NDUFB2: variants seen among roughly 807,000 people sequenced by gnomAD.
The protein encoded by NDUFB2 is NADH dehydrogenase [ubiquinone] 1 beta subcomplex subunit 2, mitochondrial.
A neutral mutation model predicts 13.4 loss-of-function variants in NDUFB2; 13 were observed. The observed-to-expected ratio is 0.97, with a 90% CI of 0.63 to 1.54. NDUFB2 has a LOEUF of 1.54. Ranked by LOEUF, NDUFB2 falls within the 40% of genes most tolerant of loss-of-function variation. NDUFB2 has a pLI of 0.00. For synonymous variants in NDUFB2, 47 were observed against 50.6 expected (o/e 0.93, Z 0.30); for missense variants, 150 against 139.7 (o/e 1.07, Z -0.37).
intron 2 of NDUFB2, among the ~76,000 whole-genome samples, chr7:140,703,606 G>A (rs910052253): frequency 2.6e-5 from 4 of 151,476 alleles, no homozygotes; most frequent in Admixed American, 6.6e-5. Flanking sequence ...CTGAACTAGC[G>A]GTTCATTGGT....
chr7:140,702,603 T>C (rs1794911876), intron 1 of NDUFB2: 2 of 405,374 alleles, frequency 4.9e-6, no homozygotes, highest in Admixed American at 8.1e-5. Flanking sequence ...ATCAACACAT[T>C]CAAATTTCTA....
chr7:140,705,460 G>A (rs1053447655), intron 3 of NDUFB2: 1 of 151,784 alleles, frequency 6.6e-6, no homozygotes, highest in African/African-American at 2.4e-5. Context: ...CCTTTTCATT[G>A]TATGTTTTAT....
intron 1 of NDUFB2, chr7:140,697,354 AG>A (rs1327295282): frequency 1.4e-6 from 1 of 702,780 alleles, no homozygotes; most frequent in Non-Finnish European, 2.6e-6. Context: ...CTCTGGCTGC[AG>A]GGAGTGGAGG....
chr7:140,703,029 C>T lies in NDUFB2; in HGVS notation c.243+19C>T. On this transcript the variant is annotated intron_variant, in intron 2 of 3. Transcript: ENST00000247866. ...GGTGCTGGTAAGTGCAGGAGAAGAGCACTTGTCGTTTTTTGGGTGGGGGAG... is the reference window on the plus strand; with the variant it reads ...GGTGCTGGTAAGTGCAGGAGAAGAGTACTTGTCGTTTTTTGGGTGGGGGAG... 1.2e-6 allele frequency: 2 copies of T among 1,608,814 alleles called. No homozygotes were observed. The highest frequency in any genetic ancestry group is 8.5e-7 in the Non-Finnish European group (1 of 1,176,102).
At chr7:140,704,828 G>A (rs2130802777) in intron 2 of NDUFB2, 32 bp from the exon 3 acceptor site, 1 of 1,411,362 alleles carries the variant, frequency 7.1e-7, no homozygotes, top group Non-Finnish European at 9.7e-7. Flanking sequence ...GTAAATTCTT[G>A]ACTTTTCTTT....
intron 2 of NDUFB2, among the ~76,000 whole-genome samples, 190 bp downstream of exon 2, chr7:140,703,200 CGAG>C (rs1278185185): frequency 2.0e-5 from 3 of 151,400 alleles, no homozygotes; most frequent in Non-Finnish European, 4.4e-5. Context: ...TTTTTTTACA[CGAG>C]GATGTATATT....
intron 1 of NDUFB2, among the ~76,000 whole-genome samples, chr7:140,699,841 G>A (rs1420716669): frequency 6.7e-6 from 1 of 148,846 alleles, no homozygotes; most frequent in Non-Finnish European, 1.5e-5. Context: ...TAATTTGGAG[G>A]GTTGTTCAGG....
chr7:140,701,580 G>A (rs558683597), intron 1 of NDUFB2, among the ~76,000 whole-genome samples: 8 of 151,468 alleles, frequency 5.3e-5, no homozygotes, highest in South Asian at 2.1e-4. Context: ...CAGAAGGATC[G>A]CTTGAGCTAA....
chr7:140,698,618 G>T (rs956508144), intron 1 of NDUFB2, among the ~76,000 whole-genome samples: 20 of 152,070 alleles, frequency 1.3e-4, no homozygotes, highest in African/African-American at 4.1e-4. Flanking sequence ...AGACCTCAAG[G>T]GAAGAGCCCG....
intron 1 of NDUFB2, among the ~76,000 whole-genome samples, chr7:140,699,841 G>T (rs1420716669): frequency 4.0e-5 from 6 of 148,846 alleles, no homozygotes; most frequent in African/African-American, 1.2e-4. Context: ...TAATTTGGAG[G>T]GTTGTTCAGG....
chr7:140,702,089 G>GT, intron 1 of NDUFB2: 1 of 697,084 alleles, frequency 1.4e-6, no homozygotes, highest in Non-Finnish European at 2.6e-6. Flanking sequence ...AGAGAATATG[G>GT]TTTACAAGCT....
chr7:140,696,916 T>C, intron 1 of NDUFB2, 74 bp downstream of exon 1: 1 of 1,389,290 alleles, frequency 7.2e-7, no homozygotes, highest in Non-Finnish European at 1.0e-6. Flanking sequence ...CGCTCTCACC[T>C]TGACTGGGGC....
rs757744035 is a variant in NDUFB2, at chr7:140,696,750, C to T, written c.6C>T (p.Ser2=). The change falls in exon 1 of 4, where the codon TCC becomes TCT. Residue 2 remains serine, a synonymous_variant. Transcript: ENST00000247866. M[S]ALTRLASFAR... ...CGGGGCGGACGGGAGCGAGTATGTCCGCTCTGACTCGGCTGGCGTCTTTCG... is the reference window on the plus strand; with the variant it reads ...CGGGGCGGACGGGAGCGAGTATGTCTGCTCTGACTCGGCTGGCGTCTTTCG... 35 of 1,594,630 alleles carry T rather than the reference C, an allele frequency of 2.2e-5. No homozygotes were observed. The highest frequency in any genetic ancestry group is 2.6e-5 in the Non-Finnish European group (31 of 1,171,568).
At chr7:140,705,000 C>G in intron 3 of NDUFB2, 37 bp downstream of exon 3, 3 of 1,167,004 alleles carry the variant, frequency 2.6e-6, no homozygotes, top group Non-Finnish European at 3.6e-6. Context: ...TCATATTTAC[C>G]TTTTTTCATA....
At chr7:140,696,940 G>A (rs1458054857) in intron 1 of NDUFB2, 98 bp downstream of exon 1, 10 of 1,093,278 alleles carry the variant, frequency 9.1e-6, no homozygotes, top group Non-Finnish European at 1.2e-5. Context: ...TGAAGAGGCC[G>A]CGTCCCGAGG....
chr7:140,700,132 T>G (rs1321871549), intron 1 of NDUFB2: 1 of 151,796 alleles, frequency 6.6e-6, no homozygotes, highest in Non-Finnish European at 1.5e-5. Flanking sequence ...AGATCTTTTT[T>G]GTTTTTTTGA....
intron 1 of NDUFB2, chr7:140,701,701 G>A (rs928539991): frequency 1.6e-5 from 3 of 189,062 alleles, no homozygotes; most frequent in Non-Finnish European, 3.3e-5. Context: ...GGGAGGCCAA[G>A]GTGGGTGGAT....
intron 1 of NDUFB2, among the ~76,000 whole-genome samples, chr7:140,697,899 A>T (rs1794839460): frequency 6.6e-6 from 1 of 152,070 alleles, no homozygotes; most frequent in Admixed American, 6.6e-5. Flanking sequence ...CAGTGGCGCG[A>T]TCCTAGCTCA....
intron 1 of NDUFB2, chr7:140,701,870 AG>A: frequency 2.1e-6 from 1 of 481,512 alleles, no homozygotes; most frequent in Non-Finnish European, 3.7e-6. Context: ...CAGGAGGCGG[AG>A]GTTGCAGTGA....
Sources: gnomAD v4.1 joint callset for allele counts (sites outside exome capture counted in the v4.1 genomes callset) on GRCh38, gnomAD v4.1.1 for gene constraint, MANE v1.5 for transcripts, NCBI Gene and HGNC (gene_info 2026-07-23, HGNC 2026-07-21) for gene names.